ELMO1: variants seen among roughly 807,000 people sequenced by gnomAD.
ELMO1 encodes engulfment and cell motility protein 1.
Under a neutral mutation model 98.9 loss-of-function variants are expected in ELMO1, and 26 were observed. That is an observed-to-expected ratio of 0.26 (90% CI 0.19 to 0.36). The LOEUF (loss-of-function observed/expected upper bound fraction) is 0.36. Ranked by LOEUF, ELMO1 falls within the 10% of genes least tolerant of loss-of-function variation. ELMO1 has a pLI of 1.00. For synonymous variants in ELMO1, 346 were observed against 346.0 expected (o/e 1.00, Z 0.00); for missense variants, 627 against 935.2 (o/e 0.67, Z 4.30).
intron 1 of ELMO1, among the ~76,000 whole-genome samples, chr7:37,396,939 G>C (rs1366213222): frequency 2.0e-5 from 3 of 152,180 alleles, no homozygotes; most frequent in Admixed American, 1.3e-4. Flanking sequence ...GTAGCATCAA[G>C]TGCTTGCACT....
intron 4 of ELMO1, among the ~76,000 whole-genome samples, chr7:37,281,852 G>A (rs1254748955): frequency 2.6e-5 from 4 of 152,194 alleles, no homozygotes; most frequent in Non-Finnish European, 4.4e-5. Flanking sequence ...GCAGGGAAAT[G>A]TCCTGACTGC....
chr7:37,263,350 C>T (rs914602973), intron 5 of ELMO1, among the ~76,000 whole-genome samples: 2 of 151,984 alleles, frequency 1.3e-5, no homozygotes, highest in African/African-American at 4.8e-5. Context: ...CCTCAGCATC[C>T]TCATTCACTG....
intron 7 of ELMO1, among the ~76,000 whole-genome samples, chr7:37,243,469 A>G (rs1794853217): frequency 6.6e-6 from 1 of 152,230 alleles, no homozygotes; most frequent in Non-Finnish European, 1.5e-5. Context: ...CTTCTACTGT[A>G]TTAAATACAT....
At chr7:37,428,337 A>G (rs1583746541) in intron 1 of ELMO1, among the ~76,000 whole-genome samples, 1 of 152,316 alleles carries the variant, frequency 6.6e-6, no homozygotes, top group African/African-American at 2.4e-5. Flanking sequence ...GAATACAAAA[A>G]CAACTTTTAA....
chr7:37,283,055 C>A (rs1450970848), intron 4 of ELMO1, among the ~76,000 whole-genome samples: 2 of 152,290 alleles, frequency 1.3e-5, no homozygotes, highest in East Asian at 3.9e-4. Flanking sequence ...ATGGTTTGCT[C>A]TCTCTGTATC....
chr7:37,416,939 C>A (rs1314577426), intron 1 of ELMO1, among the ~76,000 whole-genome samples: 11 of 152,226 alleles, frequency 7.2e-5, no homozygotes, highest in African/African-American at 2.7e-4. Context: ...GGCTCATTCA[C>A]TTCCTCAGTT....
At chr7:37,084,467 T>A (rs370187730) in intron 15 of ELMO1, among the ~76,000 whole-genome samples, 27 of 152,294 alleles carry the variant, frequency 1.8e-4, no homozygotes, top group East Asian at 1.2e-3. Context: ...TTACAGTCTG[T>A]AAGGAAGACA....
chr7:37,191,805 C>A (rs1791600966), intron 13 of ELMO1, among the ~76,000 whole-genome samples: 1 of 152,166 alleles, frequency 6.6e-6, no homozygotes, highest in Admixed American at 6.5e-5. Context: ...GTAATCCCAG[C>A]TACTCAGGAG....
chr7:37,384,487 G>A (rs934403694), intron 1 of ELMO1, among the ~76,000 whole-genome samples: 67 of 152,096 alleles, frequency 4.4e-4, no homozygotes, highest in African/African-American at 1.6e-3. Flanking sequence ...TTGGGAGGCC[G>A]AGGTGGGCGG....
At chr7:37,399,687 G>C (rs1483471696) in intron 1 of ELMO1, among the ~76,000 whole-genome samples, 1 of 152,162 alleles carries the variant, frequency 6.6e-6, no homozygotes, top group Non-Finnish European at 1.5e-5. Context: ...TTGGTAAAGA[G>C]GCCAGAAGTT....
At position 36,963,789 on chromosome 7, in the gene ELMO1, G is replaced by A. The variant is rs375417036; in HGVS notation, c.1437+49510C>T. ...CCAGACTCCTGAGAGAGTCAACTTT[G>A]AAGGACATCTTAAATAACCTGCCCT... On this transcript the variant is annotated intron_variant, in intron 16 of 21. Coordinates refer to ENST00000310758, the MANE Select transcript of ELMO1 (RefSeq NM_014800.11). Among the ~76,000 whole-genome samples, 106 of 152,254 alleles carry A rather than the reference G, an allele frequency of 7.0e-4. 1 individual carries two copies. Among genetic ancestry groups the A allele is most frequent in the South Asian group, 6.2e-3 (30 of 4,814 alleles).
intron 1 of ELMO1, among the ~76,000 whole-genome samples, chr7:37,347,565 T>C (rs907134121): frequency 6.6e-6 from 1 of 152,176 alleles, no homozygotes; most frequent in African/African-American, 2.4e-5. Context: ...TCAAGAGATC[T>C]GATGGCTTTA....
intron 16 of ELMO1, among the ~76,000 whole-genome samples, chr7:36,912,864 T>C (rs975229284): frequency 6.6e-5 from 10 of 152,230 alleles, no homozygotes; most frequent in Non-Finnish European, 1.5e-4. Context: ...GAAAAGAATT[T>C]TTGGTGCACA....
At chr7:37,377,632 G>A (rs1260628897) in intron 1 of ELMO1, among the ~76,000 whole-genome samples, 1 of 152,124 alleles carries the variant, frequency 6.6e-6, no homozygotes, top group Non-Finnish European at 1.5e-5. Context: ...TAGACTCTCT[G>A]ATGGGCCAGG....
chr7:36,895,146 A>T, intron 16 of ELMO1, 129 bp from the exon 17 acceptor site: 1 of 1,026,402 alleles, frequency 9.7e-7, no homozygotes, highest in South Asian at 1.8e-5. Context: ...AACCTTGAGC[A>T]TGCTTTTCCA....
chr7:37,314,799 A>G (rs1250950839), intron 4 of ELMO1, 51 bp downstream of exon 4: 3 of 1,541,906 alleles, frequency 1.9e-6, no homozygotes, highest in Non-Finnish European at 2.7e-6. Context: ...CATCATCATG[A>G]TTTACTTTCC....
chr7:37,430,434 G>A (rs1310892071), intron 1 of ELMO1, among the ~76,000 whole-genome samples: 2 of 152,228 alleles, frequency 1.3e-5, no homozygotes, highest in East Asian at 3.8e-4. Flanking sequence ...GCACTCCTCA[G>A]AGGGTATGGG....
intron 1 of ELMO1, among the ~76,000 whole-genome samples, chr7:37,411,701 A>G (rs1427467953): frequency 6.6e-6 from 1 of 152,180 alleles, no homozygotes; most frequent in Non-Finnish European, 1.5e-5. Flanking sequence ...TCATATGACT[A>G]ATGAGCATAT....
intron 13 of ELMO1, among the ~76,000 whole-genome samples, chr7:37,153,922 T>C (rs942907165): frequency 6.6e-6 from 1 of 152,010 alleles, no homozygotes; most frequent in Non-Finnish European, 1.5e-5. Context: ...AGACACCTCA[T>C]ACAGGTGGGT....
Sources: allele counts gnomAD v4.1 joint callset (sites outside exome capture counted in the v4.1 genomes callset), GRCh38; gene constraint gnomAD v4.1.1; transcripts MANE v1.5; gene names NCBI Gene and HGNC (gene_info 2026-07-23, HGNC 2026-07-21).